FILIP1: variants seen among roughly 807,000 people sequenced by gnomAD.
FILIP1 encodes filamin A interacting protein 1.
In FILIP1, 61 loss-of-function variants were observed where a neutral mutation model predicts 102.1. That is an observed-to-expected ratio of 0.60 (90% CI 0.49 to 0.74). The LOEUF (loss-of-function observed/expected upper bound fraction) is 0.74, where lower values mean the gene tolerates loss of function less well. Among genes scored for constraint, FILIP1 ranks in the 30% least tolerant of loss-of-function variants. The pLI is 0.00. For synonymous variants in FILIP1, 491 were observed against 526.9 expected (o/e 0.93, Z 0.93); for missense variants, 1,314 against 1,441.2 (o/e 0.91, Z 1.43).
Position 75,391,502 on chromosome 6 carries a change from A to T in FILIP1, c.276+23195T>A, listed in dbSNP as rs565216858. Among the ~76,000 whole-genome samples the T allele has an allele frequency of 1.5e-4, 23 of 152,262 alleles. No individual in the cohort carries two copies. The South Asian group carries it at 4.8e-3, about 32-fold the overall frequency. ...CCAAGAAAATTGAAACAATTTGGGA[A>T]GAATTTCCACTATCTCTTATCACTT... On this transcript the variant is annotated intron_variant, in intron 2 of 5. Coordinates refer to ENST00000237172, the MANE Select transcript of FILIP1 (RefSeq NM_015687.5).
intron 4 of FILIP1, chr6:75,319,353 A>G: frequency 1.6e-6 from 1 of 635,182 alleles, no homozygotes. Flanking sequence ...AGAGCAGAAC[A>G]TGAAAAAGGC....
At chr6:75,309,903 T>C (rs1158240638) in intron 5 of FILIP1, among the ~76,000 whole-genome samples, 4 of 152,226 alleles carry the variant, frequency 2.6e-5, no homozygotes, top group South Asian at 2.1e-4. Context: ...TCCCTGTCCC[T>C]CCAAGTTATC....
intron 4 of FILIP1, among the ~76,000 whole-genome samples, chr6:75,321,590 C>T (rs1582339767): frequency 6.6e-6 from 1 of 151,980 alleles, no homozygotes; most frequent in Non-Finnish European, 1.5e-5. Flanking sequence ...GTCAGGAGAT[C>T]GAGACCATCC....
intron 6 of FILIP1, among the ~76,000 whole-genome samples, chr6:75,296,341 T>TGTGTG (rs1772669108): frequency 1.4e-5 from 2 of 141,484 alleles, no homozygotes; most frequent in Non-Finnish European, 3.1e-5. Context: ...TTCAATTTCT[T>TGTGTG]TGTGTGTGTG....
At chr6:75,417,747 C>T (rs1777317916) in intron 1 of FILIP1, among the ~76,000 whole-genome samples, 1 of 152,166 alleles carries the variant, frequency 6.6e-6, no homozygotes, top group Admixed American at 6.5e-5. Context: ...TTTCCTGTAT[C>T]ACACAGCTAC....
rs79179285 is a variant in FILIP1, at chr6:75,393,437, C to T, written c.276+21260G>A. The stretch of plus-strand genomic sequence containing the variant: ...CTTGAAAGATCTTTTAAGTAAAAAG[C>T]CAAGTTTTTAAAAAGTAAAAAAGAA... On this transcript the variant is annotated intron_variant, in intron 2 of 5. Transcript: ENST00000237172. Among the ~76,000 whole-genome samples, 4 of 152,004 alleles carry T rather than the reference C, an allele frequency of 2.6e-5. No homozygotes were observed. In the East Asian group the frequency reaches 5.8e-4, roughly 22 times the overall value.
rs561922334 is a variant in FILIP1, at chr6:75,300,913, T to C, written c.3494-4963A>G. On this transcript the variant is annotated intron_variant, in intron 6 of 6. Coordinates refer to the FILIP1 transcript ENST00000393004. ...ATCACAGTTATAACTGATAAATTCT[T>C]TTTTGGCAAGCTAATTCTTATCTCC... Among the ~76,000 whole-genome samples, 63 of 152,350 alleles carry C rather than the reference T, an allele frequency of 4.1e-4. No homozygotes were observed. In the South Asian group the frequency reaches 0.012, roughly 29 times the overall value.
chr6:75,419,405 T>TA (rs1468235188), intron 1 of FILIP1, among the ~76,000 whole-genome samples: 1 of 152,148 alleles, frequency 6.6e-6, no homozygotes, highest in Admixed American at 6.5e-5. Context: ...GGTTTTATTT[T>TA]ATCTATATAT....
chr6:75,490,637 T>TTGTGTGTGTG (rs59493141), intron 1 of FILIP1, among the ~76,000 whole-genome samples: 8 of 147,906 alleles, frequency 5.4e-5, no homozygotes, highest in African/African-American at 2.0e-4. Flanking sequence ...TACACAGGAT[T>TTGTGTGTGTG]TGTGTGTGTG....
chr6:75,292,788 T>A (rs1406634949), exon 7 of FILIP1: 1 of 152,178 alleles, frequency 6.6e-6, no homozygotes. Flanking sequence ...TTTGCTATGT[T>A]TTTTTCCTTC....
chr6:75,474,573 T>A (rs1779420364), intron 1 of FILIP1, among the ~76,000 whole-genome samples: 1 of 152,214 alleles, frequency 6.6e-6, no homozygotes, highest in Non-Finnish European at 1.5e-5. Flanking sequence ...GTTCTTTTTT[T>A]CTTCCAGCAG....
At chr6:75,352,939 A>T (rs1484218935) in intron 4 of FILIP1, among the ~76,000 whole-genome samples, 2 of 150,724 alleles carry the variant, frequency 1.3e-5, no homozygotes, top group Non-Finnish European at 3.0e-5. Context: ...TCTTTCTACA[A>T]ATTGCTTTCT....
At chr6:75,308,970 C>T (rs1032796296) in intron 5 of FILIP1, 73 bp from the exon 6 acceptor site, 6 of 1,522,634 alleles carry the variant, frequency 3.9e-6, no homozygotes, top group Non-Finnish European at 9.0e-7. Context: ...TCAATCTGAA[C>T]ATTAGTGGGA....
At chr6:75,339,280 T>A (rs1042646939) in intron 4 of FILIP1, among the ~76,000 whole-genome samples, 3 of 152,260 alleles carry the variant, frequency 2.0e-5, no homozygotes, top group African/African-American at 7.2e-5. Flanking sequence ...AAATGTCTCA[T>A]CTACTCTGGT....
chr6:75,478,488 C>A (rs1183294074), intron 1 of FILIP1, among the ~76,000 whole-genome samples: 1 of 152,186 alleles, frequency 6.6e-6, no homozygotes, highest in Non-Finnish European at 1.5e-5. Context: ...CTCTCTCCAT[C>A]CCCTGGAGTA....
chr6:75,399,487 T>C (rs544953973), intron 2 of FILIP1, among the ~76,000 whole-genome samples: 22 of 152,310 alleles, frequency 1.4e-4, no homozygotes, highest in South Asian at 6.2e-4. Context: ...TTTGTTGGTT[T>C]TTTTGTGATT....
intron 1 of FILIP1, among the ~76,000 whole-genome samples, chr6:75,491,364 G>C (rs1779951024): frequency 6.6e-6 from 1 of 152,164 alleles, no homozygotes; most frequent in African/African-American, 2.4e-5. Context: ...AGTTAAGTAG[G>C]TGCCAGATGA....
At chr6:75,343,991 T>A (rs1774497203) in intron 4 of FILIP1, among the ~76,000 whole-genome samples, 1 of 152,188 alleles carries the variant, frequency 6.6e-6, no homozygotes, top group Non-Finnish European at 1.5e-5. Flanking sequence ...CAAAGAGAAC[T>A]GGAATATTGT....
At chr6:75,442,242 C>G (rs1328820563) in intron 1 of FILIP1, among the ~76,000 whole-genome samples, 6 of 151,788 alleles carry the variant, frequency 4.0e-5, no homozygotes, top group East Asian at 3.9e-4. Flanking sequence ...GGATGGTGGC[C>G]GGGCAGAGAC....
Sources: gnomAD v4.1 joint callset for allele counts (sites outside exome capture counted in the v4.1 genomes callset) on GRCh38, gnomAD v4.1.1 for gene constraint, MANE v1.5 for transcripts, NCBI Gene and HGNC (gene_info 2026-07-23, HGNC 2026-07-21) for gene names.